The following PSTPIP2 variants were observed in gnomAD, a reference collection of about 807,000 sequenced individuals.
PSTPIP2 encodes the protein proline-serine-threonine phosphatase-interacting protein 2.
PSTPIP2 carries 33 observed loss-of-function variants against 63.3 expected under a neutral mutation model. That is an observed-to-expected ratio of 0.52 (90% CI 0.40 to 0.70). The LOEUF is 0.70. PSTPIP2 is among the 30% of genes least tolerant of loss of function. The pLI is 0.00. For synonymous variants in PSTPIP2, 125 were observed against 132.7 expected, an observed-to-expected ratio of 0.94 and a Z score of 0.40; for missense variants, 312 against 400.7, an observed-to-expected ratio of 0.78 and a Z score of 1.89.
intron 6 of PSTPIP2, among the ~76,000 whole-genome samples, chr18:46,004,249 C>A (rs1262855636): frequency 6.6e-6 from 1 of 152,172 alleles, no homozygotes; most frequent in Non-Finnish European, 1.5e-5. Context: ...AAAAAGAATG[C>A]AGCAGAACAG....
chr18:46,069,494 T>C (rs1909313771), intron 1 of PSTPIP2, among the ~76,000 whole-genome samples: 1 of 152,216 alleles, frequency 6.6e-6, no homozygotes, highest in Non-Finnish European at 1.5e-5. Flanking sequence ...TTCATTTATT[T>C]TAAAATGATT....
chr18:46,031,643 A>C (rs1279216677), intron 2 of PSTPIP2, among the ~76,000 whole-genome samples: 1 of 152,206 alleles, frequency 6.6e-6, no homozygotes, highest in African/African-American at 2.4e-5. Flanking sequence ...AAAGATGTTC[A>C]GTCCATTTTC....
intron 9 of PSTPIP2, among the ~76,000 whole-genome samples, chr18:45,994,286 T>C (rs2051569280): frequency 6.6e-6 from 1 of 152,228 alleles, no homozygotes; most frequent in South Asian, 2.1e-4. Flanking sequence ...TGGTATTCTA[T>C]TCAACAGTGG....
rs1907708076 is a variant in PSTPIP2 at position 46,029,384 on chromosome 18, T to G, written c.135-4698A>C. 5.2e-6 allele frequency: 8 copies of G among 1,547,078 alleles called. No homozygotes were observed. In the East Asian group the frequency reaches 1.8e-4, roughly 35 times the overall value. The stretch of plus-strand genomic sequence containing the variant: ...TTGCAGCATCCACGTTCTCTTCAGA[T>G]AGTAAGAAAGTATATGCCTCTTCGG... On this transcript the variant is annotated intron_variant, in intron 2 of 14. Transcript: ENST00000409746.
At chr18:46,066,784 CT>C (rs1909204135) in intron 1 of PSTPIP2, among the ~76,000 whole-genome samples, 1 of 152,208 alleles carries the variant, frequency 6.6e-6, no homozygotes, top group South Asian at 2.1e-4. Context: ...AATCCCAGCA[CT>C]TTGCCCAGGC....
intron 1 of PSTPIP2, 168 bp from the exon 2 acceptor site, chr18:46,040,215 C>A: frequency 4.1e-6 from 2 of 491,462 alleles, no homozygotes; most frequent in Non-Finnish European, 7.2e-6. Flanking sequence ...CACCCCCACC[C>A]TGGAGATGAA....
Position 45,984,689 on chromosome 18 carries a change from T to G in PSTPIP2, c.*770A>C, listed in dbSNP as rs2051450381. On this transcript the variant is annotated 3_prime_UTR_variant, in exon 15 of 15. Transcript: ENST00000409746. ...TTTTACAATCAGTGGCTCCTTAAAT[T>G]AGATTAAACATCATGCTCTGTAGTT... 1 of 152,216 alleles carries G rather than the reference T, an allele frequency of 6.6e-6. No homozygotes were observed. Among genetic ancestry groups the G allele is most frequent in the South Asian group, 2.1e-4 (1 of 4,832 alleles). 9.4% of individuals were successfully genotyped at this position (152,216 alleles called of 1,614,324 possible).
intron 9 of PSTPIP2, among the ~76,000 whole-genome samples, chr18:45,995,214 A>G (rs2051581421): frequency 1.3e-5 from 2 of 152,100 alleles, no homozygotes. Flanking sequence ...TCGTGGGCTC[A>G]AGCAATTCTC....
intron 1 of PSTPIP2, among the ~76,000 whole-genome samples, chr18:46,068,320 C>A (rs1909266580): frequency 6.6e-6 from 1 of 151,928 alleles, no homozygotes; most frequent in Admixed American, 6.6e-5. Context: ...TTTTTTGAGA[C>A]AGATTCTCGC....
intron 1 of PSTPIP2, among the ~76,000 whole-genome samples, chr18:46,058,188 A>T: frequency 6.6e-6 from 1 of 152,114 alleles, no homozygotes; most frequent in Non-Finnish European, 1.5e-5. Context: ...CTACCTGTAT[A>T]GGATGGGAGA....
At chr18:46,009,107 A>G (rs551838158) in intron 5 of PSTPIP2, among the ~76,000 whole-genome samples, 59 of 152,240 alleles carry the variant, frequency 3.9e-4, no homozygotes, top group South Asian at 1.7e-3. Flanking sequence ...ATGCTTAGTG[A>G]GAGAAGGATG....
intron 1 of PSTPIP2, 135 bp from the exon 2 acceptor site, chr18:46,040,182 C>T: frequency 1.7e-6 from 1 of 587,766 alleles, no homozygotes; most frequent in Non-Finnish European, 2.9e-6. Flanking sequence ...CAGGGACCCA[C>T]TTAGGAGCCT....
intron 3 of PSTPIP2, among the ~76,000 whole-genome samples, chr18:46,023,418 G>T (rs1337099317): frequency 6.6e-6 from 1 of 152,074 alleles, no homozygotes; most frequent in African/African-American, 2.4e-5. Flanking sequence ...AATTAGCCGG[G>T]CATGGAGGCG....
At chr18:45,997,670 C>G (rs562445397) in intron 9 of PSTPIP2, 79 bp downstream of exon 9, 37 of 228,052 alleles carry the variant, frequency 1.6e-4, no homozygotes, top group South Asian at 7.2e-4. Flanking sequence ...TCCCCTCCCC[C>G]CCCCGTCCTG....
intron 2 of PSTPIP2, among the ~76,000 whole-genome samples, chr18:46,037,976 G>T (rs550299820): frequency 6.6e-6 from 1 of 152,266 alleles, no homozygotes; most frequent in Admixed American, 6.5e-5. Context: ...CGAGATCTTA[G>T]CTTTGGGATC....
intron 1 of PSTPIP2, among the ~76,000 whole-genome samples, chr18:46,048,443 T>TA (rs1908460269): frequency 6.6e-6 from 1 of 152,202 alleles, no homozygotes; most frequent in Non-Finnish European, 1.5e-5. Flanking sequence ...GGTAATTTGT[T>TA]ACAGCAGCAA....
At chr18:46,059,702 G>T (rs1010928596) in intron 1 of PSTPIP2, among the ~76,000 whole-genome samples, 3 of 152,006 alleles carry the variant, frequency 2.0e-5, no homozygotes, top group African/African-American at 7.3e-5. Context: ...TTTTCCTAGT[G>T]ACATATGACT....
intron 5 of PSTPIP2, among the ~76,000 whole-genome samples, chr18:46,008,547 G>A (rs1014044634): frequency 1.3e-5 from 2 of 152,050 alleles, no homozygotes; most frequent in East Asian, 3.9e-4. Context: ...CCTGACCTCA[G>A]GTGATGCGCC....
In PSTPIP2 at chr18:46,024,556, G is replaced by A. The variant is rs1458358087; in HGVS notation, c.212+53C>T. On this transcript the variant is annotated intron_variant, in intron 3 of 14. Coordinates refer to ENST00000409746, the MANE Select transcript of PSTPIP2 (RefSeq NM_024430.4). Reference sequence around the variant, plus strand: ...TAACTCTGTCTGCTGAAGCGAGGGAGCTCCCAGGCATTATTAACCAACCTG... The same window carrying A: ...TAACTCTGTCTGCTGAAGCGAGGGAACTCCCAGGCATTATTAACCAACCTG... 4 of 1,454,444 alleles carry A rather than the reference G, an allele frequency of 2.8e-6. No homozygotes were observed. In the South Asian group the frequency reaches 3.4e-5, roughly 12 times the overall value. 90.1% of individuals were successfully genotyped at this position (1,454,444 alleles called of 1,614,324 possible).
Sources: allele counts gnomAD v4.1 joint callset (sites outside exome capture counted in the v4.1 genomes callset), GRCh38; gene constraint gnomAD v4.1.1; transcripts MANE v1.5; gene names NCBI Gene and HGNC (gene_info 2026-07-23, HGNC 2026-07-21).